EFHC2: variants seen among roughly 807,000 people sequenced by gnomAD.
The protein encoded by EFHC2 is EF-hand domain-containing family member C2.
Under a neutral mutation model 52.7 loss-of-function variants are expected in EFHC2, and 18 were observed. The ratio of observed to expected loss-of-function variants is 0.34; its 90% CI spans 0.24 to 0.51. The LOEUF is 0.51. Ranked by LOEUF, EFHC2 falls within the 20% of genes least tolerant of loss-of-function variation. The probability of loss-of-function intolerance (pLI) is 0.97; values close to 1 mark genes in which losing one functional copy is unlikely to be tolerated. For missense variants in EFHC2, 513 were observed against 562.5 expected, an observed-to-expected ratio of 0.91 and a Z score of 0.89; for synonymous variants, 203 against 204.1, an observed-to-expected ratio of 0.99 and a Z score of 0.04.
At chrX:44,161,711 T>C (rs2036656544) in intron 14 of EFHC2, among the ~76,000 whole-genome samples, 1 of 111,733 alleles carries the variant, frequency 8.9e-6, no homozygotes, top group Admixed American at 9.5e-5. Context: ...TATAGACTAC[T>C]AGAACATTCA....
chrX:44,321,405 G>A (rs12014086), intron 1 of EFHC2, among the ~76,000 whole-genome samples: 24,219 of 110,477 alleles, frequency 0.22, 2,649 homozygotes, highest in African/African-American at 0.43. Flanking sequence ...GTTCAAGCAA[G>A]AAGTCGAGGC....
At chrX:44,169,253 G>A (rs547163127) in intron 13 of EFHC2, among the ~76,000 whole-genome samples, 363 of 110,710 alleles carry the variant, frequency 3.3e-3, no homozygotes, top group Non-Finnish European at 5.7e-3. Context: ...AAATTCGAGA[G>A]CTCTAAAATC....
chrX:44,275,074 T>C (rs1569298709), intron 2 of EFHC2, among the ~76,000 whole-genome samples: 1 of 111,535 alleles, frequency 9.0e-6, no homozygotes. Flanking sequence ...CACCTCTATA[T>C]ACTGAATGCT....
At chrX:44,192,613 T>A (rs2036930556) in intron 11 of EFHC2, among the ~76,000 whole-genome samples, 1 of 111,296 alleles carries the variant, frequency 9.0e-6, no homozygotes, top group East Asian at 2.8e-4. Context: ...TTAGCTACAT[T>A]TATTTAGTTC....
At chrX:44,174,657 G>T (rs2036772072) in intron 13 of EFHC2, among the ~76,000 whole-genome samples, 1 of 101,098 alleles carries the variant, frequency 9.9e-6, no homozygotes, top group South Asian at 5.1e-4. Flanking sequence ...AAAAAGGGGG[G>T]GGGAGGGGGA....
chrX:44,157,721 G>A (rs182926305), intron 14 of EFHC2, among the ~76,000 whole-genome samples: 1 of 100,797 alleles, frequency 9.9e-6, no homozygotes, highest in Admixed American at 1.1e-4. Context: ...GTTATTGCCA[G>A]TCCCTGAGTG....
intron 11 of EFHC2, among the ~76,000 whole-genome samples, chrX:44,221,368 G>A (rs181436386): frequency 1.6e-4 from 18 of 111,478 alleles, no homozygotes; most frequent in African/African-American, 5.2e-4. Flanking sequence ...CTAGTTGACT[G>A]TCACCAAATC....
intron 2 of EFHC2, among the ~76,000 whole-genome samples, chrX:44,305,016 C>T (rs760161701): frequency 2.7e-5 from 3 of 110,444 alleles, no homozygotes; most frequent in African/African-American, 9.9e-5. Context: ...AATCCCAGCA[C>T]TTTGGGAGGC....
chrX:44,321,707 G>T (rs1200373180), intron 1 of EFHC2, among the ~76,000 whole-genome samples: 1 of 111,422 alleles, frequency 9.0e-6, no homozygotes, highest in South Asian at 3.8e-4. Flanking sequence ...TGAAGACGAG[G>T]CTTGAGACTT....
chrX:44,307,402 T>C (rs1039498612), intron 2 of EFHC2, among the ~76,000 whole-genome samples: 1 of 111,747 alleles, frequency 8.9e-6, no homozygotes, highest in Non-Finnish European at 1.9e-5. Flanking sequence ...ATAAGGACCA[T>C]ATAATCTGGA....
At chrX:44,293,864 T>C (rs1352756205) in intron 2 of EFHC2, among the ~76,000 whole-genome samples, 2 of 111,961 alleles carry the variant, frequency 1.8e-5, no homozygotes, top group Non-Finnish European at 3.8e-5. Context: ...CCCATAGGGC[T>C]ATCTTCAGAC....
intron 14 of EFHC2, among the ~76,000 whole-genome samples, chrX:44,155,277 G>A (rs1219434988): frequency 2.7e-5 from 3 of 111,565 alleles, no homozygotes; most frequent in Non-Finnish European, 5.6e-5. Flanking sequence ...TAAATTACTC[G>A]TTCATCAGTG....
At chrX:44,232,851 G>C (rs1414181498) in intron 9 of EFHC2, among the ~76,000 whole-genome samples, 174 bp from the exon 10 acceptor site, 4 of 111,004 alleles carry the variant, frequency 3.6e-5, no homozygotes, top group African/African-American at 9.9e-5. Flanking sequence ...GAAGAAATAA[G>C]ACTTCCTAGG....
chrX:44,185,750 T>TCAAG (rs2036869348), intron 11 of EFHC2, among the ~76,000 whole-genome samples: 2 of 110,820 alleles, frequency 1.8e-5, no homozygotes, highest in Admixed American at 9.7e-5. Flanking sequence ...GTTGCCCAGG[T>TCAAG]TGGTCTCCTA....
intron 11 of EFHC2, among the ~76,000 whole-genome samples, chrX:44,185,318 C>T (rs2036865662): frequency 8.9e-6 from 1 of 111,746 alleles, no homozygotes; most frequent in Non-Finnish European, 1.9e-5. Flanking sequence ...GGTGTGCCTT[C>T]TTTTATACAA....
intron 11 of EFHC2, among the ~76,000 whole-genome samples, chrX:44,222,444 T>C (rs184918843): frequency 1.5e-4 from 17 of 112,080 alleles, no homozygotes; most frequent in Non-Finnish European, 2.3e-4. Context: ...CCATACAAAA[T>C]ATAACTGCCA....
intron 2 of EFHC2, among the ~76,000 whole-genome samples, chrX:44,276,298 C>T (rs2037657589): frequency 9.0e-6 from 1 of 111,113 alleles, no homozygotes; most frequent in Non-Finnish European, 1.9e-5. Context: ...TATGGTGGTG[C>T]GTGCCTCATA....
At chrX:44,191,385 G>A (rs539333369) in intron 11 of EFHC2, among the ~76,000 whole-genome samples, 2 of 110,587 alleles carry the variant, frequency 1.8e-5, no homozygotes, top group African/African-American at 3.3e-5. Context: ...ACAGGCGCCC[G>A]CCACCACACC....
At chrX:44,244,726 T>C (rs1459429664) in intron 7 of EFHC2, among the ~76,000 whole-genome samples, 2 of 112,138 alleles carry the variant, frequency 1.8e-5, no homozygotes, top group African/African-American at 6.5e-5. Context: ...TTCAGTTACC[T>C]CAACGTTCAC....
Sources: allele counts gnomAD v4.1 joint callset (sites outside exome capture counted in the v4.1 genomes callset), GRCh38; gene constraint gnomAD v4.1.1; transcripts MANE v1.5; gene names NCBI Gene and HGNC (gene_info 2026-07-23, HGNC 2026-07-21).